Variants in CTNNA3 observed in about 807,000 individuals in gnomAD.
CTNNA3 encodes catenin alpha 3.
A neutral mutation model predicts 95.7 loss-of-function variants in CTNNA3; 76 were observed. That is an observed-to-expected ratio of 0.79 (90% CI 0.66 to 0.96). The LOEUF (loss-of-function observed/expected upper bound fraction) is 0.96. CTNNA3 is among the 40% of genes least tolerant of loss of function. The pLI is 0.00. For missense variants in CTNNA3, 1,191 were observed against 1,089.8 expected (o/e 1.09, Z -1.31); for synonymous variants, 431 against 374.4 (o/e 1.15, Z -1.74).
intron 5 of CTNNA3, chr10:67,346,566 C>G (rs374307874): frequency 5.8e-6 from 1 of 172,618 alleles, no homozygotes; most frequent in East Asian, 1.7e-4. Flanking sequence ...ATAAATGGAC[C>G]TTATTAGAAC....
In CTNNA3 at chr10:66,725,671, A is replaced by G. The variant is rs545701369; in HGVS notation, c.1281+40593T>C. 2.6e-4 allele frequency among the ~76,000 whole-genome samples: 39 copies of G among 152,244 alleles called. No homozygotes were observed. In the South Asian group the frequency reaches 5.2e-3, roughly 20 times the overall value. ...CGGACAGTTGTTCACCATGGCAGATATGAAGATTCAAATATGTTTGAGCTA... is the reference window on the plus strand; with the variant it reads ...CGGACAGTTGTTCACCATGGCAGATGTGAAGATTCAAATATGTTTGAGCTA... On this transcript the variant is annotated intron_variant, in intron 9 of 17. Transcript: ENST00000433211.
At chr10:66,684,512 A>G (rs1340645740) in intron 9 of CTNNA3, among the ~76,000 whole-genome samples, 2 of 152,088 alleles carry the variant, frequency 1.3e-5, no homozygotes, top group African/African-American at 4.8e-5. Flanking sequence ...GAAAAATAAG[A>G]TTCATTTCTA....
chr10:66,490,807 A>C (rs2131934236), intron 11 of CTNNA3, among the ~76,000 whole-genome samples: 1 of 152,314 alleles, frequency 6.6e-6, no homozygotes, highest in East Asian at 1.9e-4. Flanking sequence ...AGCAAGTTTC[A>C]AGATATAGTC....
chr10:67,229,761 C>G (rs1865101984), intron 5 of CTNNA3, among the ~76,000 whole-genome samples: 1 of 152,018 alleles, frequency 6.6e-6, no homozygotes, highest in Non-Finnish European at 1.5e-5. Context: ...AGGAATATAC[C>G]TAACAAAGGA....
At chr10:66,202,959 C>T (rs776179077) in intron 13 of CTNNA3, among the ~76,000 whole-genome samples, 6 of 152,164 alleles carry the variant, frequency 3.9e-5, no homozygotes, top group African/African-American at 1.4e-4. Context: ...GTGTGGGGTT[C>T]TTTTCACACT....
chr10:67,608,731 T>C lies in CTNNA3; in HGVS notation c.100-1682A>G, dbSNP rs567739817. On this transcript the variant is annotated intron_variant, in intron 2 of 17. Transcript: ENST00000433211. Reference sequence around the variant, plus strand: ...ACAAACTCATAATAAGAACATTATTTGAAGATAAAAATTAAGCTTCTGTAT... The same window carrying C: ...ACAAACTCATAATAAGAACATTATTCGAAGATAAAAATTAAGCTTCTGTAT... 6.6e-5 allele frequency among the ~76,000 whole-genome samples: 10 copies of C among 152,224 alleles called. No individual in the cohort carries two copies. In the South Asian group the frequency reaches 2.1e-3, roughly 32 times the overall value.
intron 9 of CTNNA3, among the ~76,000 whole-genome samples, chr10:66,651,055 C>A (rs142501126): frequency 0.011 from 1,623 of 152,160 alleles, 36 homozygotes; most frequent in African/African-American, 0.037. Context: ...GGTGCATTTA[C>A]AATCCTTTAG....
intron 11 of CTNNA3, among the ~76,000 whole-genome samples, chr10:66,437,395 T>C (rs971345023): frequency 4.6e-5 from 7 of 152,162 alleles, no homozygotes; most frequent in Admixed American, 3.3e-4. Context: ...CTTTTCATTC[T>C]TTTTTCTCTA....
chr10:66,928,370 C>A (rs776753483), intron 7 of CTNNA3: 1 of 1,614,074 alleles, frequency 6.2e-7, no homozygotes, highest in Non-Finnish European at 8.5e-7. Flanking sequence ...GATTATAAAC[C>A]CACCAACACG....
intron 11 of CTNNA3, among the ~76,000 whole-genome samples, chr10:66,414,912 G>A (rs374958752): frequency 1.3e-5 from 2 of 152,218 alleles, no homozygotes; most frequent in African/African-American, 4.8e-5. Flanking sequence ...GAGAAGTGAT[G>A]GGTACTGCCT....
At chr10:66,797,125 A>C (rs982106297) in intron 7 of CTNNA3, among the ~76,000 whole-genome samples, 1 of 151,990 alleles carries the variant, frequency 6.6e-6, no homozygotes, top group Non-Finnish European at 1.5e-5. Context: ...ATTTGTTGAC[A>C]ACAAAAGTGC....
chr10:67,591,420 A>G (rs1438888339), intron 3 of CTNNA3, among the ~76,000 whole-genome samples: 1 of 152,276 alleles, frequency 6.6e-6, no homozygotes, highest in Middle Eastern at 3.4e-3. Flanking sequence ...TACACAAATT[A>G]GATATGGATA....
intron 9 of CTNNA3, among the ~76,000 whole-genome samples, chr10:66,713,277 T>C (rs1848351083): frequency 6.6e-6 from 1 of 152,190 alleles, no homozygotes; most frequent in Non-Finnish European, 1.5e-5. Context: ...CCTTGGTTCC[T>C]GCAATTGCCT....
chr10:66,644,122 G>A (rs2132388398), intron 9 of CTNNA3, among the ~76,000 whole-genome samples: 1 of 151,924 alleles, frequency 6.6e-6, no homozygotes, highest in East Asian at 1.9e-4. Context: ...GCCAGGCATG[G>A]TGGCACATGC....
chr10:66,912,733 T>C (rs1176602497), intron 7 of CTNNA3, among the ~76,000 whole-genome samples: 1 of 152,090 alleles, frequency 6.6e-6, no homozygotes, highest in Non-Finnish European at 1.5e-5. Context: ...ATTAGCAGGT[T>C]GGTCTAGGCT....
intron 7 of CTNNA3, among the ~76,000 whole-genome samples, chr10:67,163,872 A>G (rs888565440): frequency 1.3e-5 from 2 of 151,968 alleles, no homozygotes; most frequent in African/African-American, 4.8e-5. Flanking sequence ...TAAAAATATA[A>G]TAACATTTAT....
intron 1 of CTNNA3, among the ~76,000 whole-genome samples, chr10:67,653,950 A>G (rs551474553): frequency 6.6e-6 from 1 of 152,290 alleles, no homozygotes; most frequent in Admixed American, 6.5e-5. Context: ...CCATCCTTCC[A>G]AGACTGAACC....
At chr10:66,198,448 A>C (rs1251390492) in intron 13 of CTNNA3, among the ~76,000 whole-genome samples, 1 of 152,170 alleles carries the variant, frequency 6.6e-6, no homozygotes, top group Non-Finnish European at 1.5e-5. Flanking sequence ...AAACCAGACA[A>C]GAAGAAAACA....
chr10:66,128,960 A>G (rs1016097195), intron 13 of CTNNA3, among the ~76,000 whole-genome samples: 1 of 151,338 alleles, frequency 6.6e-6, no homozygotes, highest in Admixed American at 6.6e-5. Context: ...TTAAAAAAAA[A>G]ACAAAAAACA....
Sources: allele counts gnomAD v4.1 joint callset (sites outside exome capture counted in the v4.1 genomes callset), GRCh38; gene constraint gnomAD v4.1.1; transcripts MANE v1.5; gene names NCBI Gene and HGNC (gene_info 2026-07-23, HGNC 2026-07-21).